Variants in RSBN1 observed in about 807,000 individuals in gnomAD.
RSBN1 encodes round spermatid basic protein 1, also known as lysine-specific demethylase 9.
RSBN1 carries 23 observed loss-of-function variants against 74.8 expected under a neutral mutation model. The observed-to-expected ratio is 0.31, with a 90% confidence interval of 0.22 to 0.44. The LOEUF is 0.44. Ranked by LOEUF, RSBN1 falls within the 20% of genes least tolerant of loss-of-function variation. RSBN1 has a pLI of 1.00. For missense variants in RSBN1, 808 were observed against 1,020.9 expected (o/e 0.79, Z 2.84); for synonymous variants, 407 against 379.6 (o/e 1.07, Z -0.84).
At chr1:113,793,134 G>A (rs954673153) in intron 2 of RSBN1, among the ~76,000 whole-genome samples, 5 of 152,172 alleles carry the variant, frequency 3.3e-5, no homozygotes, top group African/African-American at 1.2e-4. Context: ...GCTTCTCAAA[G>A]TTTAATGTGC....
chr1:113,779,852 C>G (rs1660102487), intron 2 of RSBN1, among the ~76,000 whole-genome samples: 1 of 150,402 alleles, frequency 6.6e-6, no homozygotes, highest in African/African-American at 2.4e-5. Flanking sequence ...GAAATCCCGT[C>G]TCTACTAAAA....
intron 1 of RSBN1, among the ~76,000 whole-genome samples, chr1:113,804,714 AGTT>A (rs1436118745): frequency 6.6e-6 from 1 of 152,210 alleles, no homozygotes; most frequent in East Asian, 1.9e-4. Context: ...TAGTCCCTAC[AGTT>A]GTTGTTCTGA....
chr1:113,778,711 C>T (rs1405655526), intron 2 of RSBN1, among the ~76,000 whole-genome samples: 1 of 152,144 alleles, frequency 6.6e-6, no homozygotes, highest in Admixed American at 6.5e-5. Flanking sequence ...CAAATCGTAT[C>T]CATCTTTCAA....
At chr1:113,804,113 C>T (rs1023485406) in intron 1 of RSBN1, among the ~76,000 whole-genome samples, 2 of 151,498 alleles carry the variant, frequency 1.3e-5, no homozygotes, top group African/African-American at 2.4e-5. Context: ...TGGGCAACCC[C>T]GTCTCAGAAA....
chr1:113,810,363 C>T (rs1011293539), intron 1 of RSBN1, among the ~76,000 whole-genome samples: 1 of 150,956 alleles, frequency 6.6e-6, no homozygotes, highest in Non-Finnish European at 1.5e-5. Context: ...TCACTAATTC[C>T]CTCTAGTTCT....
Position 113,799,739 on chromosome 1 carries a change from T to C in RSBN1, c.704-1703A>G, listed in dbSNP as rs72990454. On this transcript the variant is annotated intron_variant, in intron 1 of 6. Transcript: ENST00000261441. ...TTTTCTAAAATAAACATATTACTTT[T>C]ATAATTTAAAAACTTATTTTTAAGT... Among the ~76,000 whole-genome samples the C allele has an allele frequency of 6.0e-3, 919 of 152,310 alleles. 7 individuals carry two copies. The highest frequency in any genetic ancestry group is 0.021 in the African/African-American group (869 of 41,564).
Position 113,811,983 on chromosome 1 carries a change from G to A in RSBN1, c.430C>T (p.Pro144Ser), listed in dbSNP as rs765931564. The A allele has an allele frequency of 6.4e-7, 1 of 1,564,490 alleles. No individual in the cohort carries two copies. Among genetic ancestry groups the A allele is most frequent in the East Asian group, 2.3e-5 (1 of 43,232 alleles). The change falls in exon 1 of 7, where the codon CCG becomes TCG. Residue 144 changes from proline to serine, a missense_variant. Transcript: ENST00000261441. ...VPGPVEPLLL[P>S]PPPPPSLAPA... is the part of the protein sequence containing the mutation. ...GCCAGCGAAGGTGGCGGCGGAGGCG[G>A]CAGGAGAAGAGGCTCAACAGGGCCT... is the stretch of plus-strand genomic sequence containing the variant.
intron 2 of RSBN1, among the ~76,000 whole-genome samples, chr1:113,785,924 C>T (rs1660234093): frequency 6.6e-6 from 1 of 152,148 alleles, no homozygotes; most frequent in South Asian, 2.1e-4. Flanking sequence ...TTCTGGAAAG[C>T]CACTAAAGGA....
chr1:113,792,162 TACTTA>T (rs1280370274), intron 2 of RSBN1, among the ~76,000 whole-genome samples: 3 of 152,166 alleles, frequency 2.0e-5, no homozygotes, highest in Non-Finnish European at 2.9e-5. Context: ...TTGAAAAAGA[TACTTA>T]AAACATGCAG....
chr1:113,789,351 T>G (rs190471491), intron 2 of RSBN1, among the ~76,000 whole-genome samples: 1 of 152,130 alleles, frequency 6.6e-6, no homozygotes, highest in Non-Finnish European at 1.5e-5. Context: ...GAGGGTGGCA[T>G]ACCCCAACTC....
intron 4 of RSBN1, among the ~76,000 whole-genome samples, chr1:113,775,398 G>A (rs1306935107): frequency 6.6e-6 from 1 of 151,396 alleles, no homozygotes; most frequent in Non-Finnish European, 1.5e-5. Context: ...CTGGAGTGCA[G>A]AAGCACCATC....
At chr1:113,797,264 T>G (rs1660490385) in intron 2 of RSBN1, 99 bp downstream of exon 2, 1 of 945,384 alleles carries the variant, frequency 1.1e-6, no homozygotes. Context: ...TACCATAAAT[T>G]TGTTATCAAA....
chr1:113,766,162 A>G lies in RSBN1; in HGVS notation c.2227T>C (p.Ser743Pro), dbSNP rs1659776209. Reference sequence around the variant, plus strand: ...TGAATCTCTGTGCATGCTTCTTCAGATTCAGTTTTTATCCTCACACATTGG... The same window carrying G: ...TGAATCTCTGTGCATGCTTCTTCAGGTTCAGTTTTTATCCTCACACATTGG... ...DSQCVRIKTE[S>P]EEACTEIQLL... The change falls in exon 7 of 7, where the codon TCT (serine) becomes CCT (proline). Residue 743 changes from serine to proline, a missense_variant. Transcript: ENST00000261441. The G allele has an allele frequency of 6.2e-7, 1 of 1,614,062 alleles. No homozygotes were observed. The highest frequency in any genetic ancestry group is 1.1e-5 in the South Asian group (1 of 91,084).
Position 113,768,316 on chromosome 1 carries a change from T to C in RSBN1, c.1732A>G (p.Arg578Gly). The change falls in exon 5 of 7, where the codon AGG becomes GGG. Residue 578 changes from arginine (R) to glycine (G), a missense_variant. Arg to Gly is a moderately radical substitution (Grantham distance 125, BLOSUM62 -2). Coordinates refer to ENST00000261441, the MANE Select transcript of RSBN1 (RefSeq NM_018364.5). ...ACATGATCAGCATGAGCTCTAGTCC[T>C]ATCTTCAAAGAGAACTTCGCGGGGT... ...SEPREVLFED[R>G]TRAHADHVGQ... 1.9e-6 allele frequency: 3 copies of C among 1,613,434 alleles called. No individual in the cohort carries two copies. The highest frequency in any genetic ancestry group is 1.7e-6 in the Non-Finnish European group (2 of 1,179,580).
intron 2 of RSBN1, among the ~76,000 whole-genome samples, chr1:113,783,877 C>T (rs1660188379): frequency 6.6e-6 from 1 of 152,184 alleles, no homozygotes; most frequent in African/African-American, 2.4e-5. Context: ...AAGAGACAAA[C>T]TTTTGTTCTA....
rs1384823845 is a variant in RSBN1 at position 113,767,146 on chromosome 1, C to T, written c.1888G>A (p.Val630Ile). Reference protein sequence around the residue: ...ICFHAEDFTDVVQRLQLDLHE... With the variant: ...ICFHAEDFTDIVQRLQLDLHE... ...AGATCTAACTGAAGTCTTTGTACAA[C>T]ATCAGTAAAATCCTCAGCATGAAAA... The change falls in exon 6 of 7, where the codon GTT becomes ATT. Residue 630 changes from valine to isoleucine, a missense_variant. Val to Ile is a conservative substitution (Grantham distance 29, BLOSUM62 3). This residue lies in a region of RSBN1 where 38 missense variants were observed against 120.6 expected (regional missense o/e 0.32). Transcript: ENST00000261441. 6.2e-7 allele frequency: 1 copy of T among 1,612,068 alleles called. No homozygotes were observed. The highest frequency in any genetic ancestry group is 8.5e-7 in the Non-Finnish European group (1 of 1,179,056).
At chr1:113,766,736 C>G (rs1424686379) in intron 6 of RSBN1, among the ~76,000 whole-genome samples, 1 of 152,170 alleles carries the variant, frequency 6.6e-6, no homozygotes, top group Non-Finnish European at 1.5e-5. Flanking sequence ...TATCAATATT[C>G]TTTACCACAC....
chr1:113,789,532 G>A (rs923164337), intron 2 of RSBN1, among the ~76,000 whole-genome samples: 2 of 152,198 alleles, frequency 1.3e-5, no homozygotes, highest in Non-Finnish European at 2.9e-5. Flanking sequence ...AACTCAAAGA[G>A]GGGATCGTGG....
intron 4 of RSBN1, among the ~76,000 whole-genome samples, chr1:113,769,229 G>C (rs1270550210): frequency 6.6e-6 from 1 of 152,060 alleles, no homozygotes; most frequent in African/African-American, 2.4e-5. Context: ...AGACAGATTT[G>C]AGATTTCCTC....
Sources: allele counts gnomAD v4.1 joint callset (sites outside exome capture counted in the v4.1 genomes callset), GRCh38; gene constraint gnomAD v4.1.1; regional missense constraint gnomAD v4.1.1; transcripts MANE v1.5; gene names NCBI Gene and HGNC (gene_info 2026-07-23, HGNC 2026-07-21).